SLC13A4: variants seen among roughly 807,000 people sequenced by gnomAD.
The protein encoded by SLC13A4 is Na(+)/sulfate cotransporter SUT-1.
SLC13A4 carries 28 observed loss-of-function variants against 72.7 expected under a neutral mutation model. The ratio of observed to expected loss-of-function variants is 0.39; its 90% CI spans 0.29 to 0.53. The LOEUF is 0.53. Among genes scored for constraint, SLC13A4 ranks in the 20% least tolerant of loss-of-function variants. The pLI, the probability that SLC13A4 is intolerant of heterozygous loss-of-function variation, is 0.78. For synonymous variants in SLC13A4, 312 were observed against 325.5 expected (o/e 0.96, Z 0.45); for missense variants, 653 against 788.0 (o/e 0.83, Z 2.05).
At chr7:135,691,386 G>A (rs1795782952) in intron 12 of SLC13A4, 61 bp from the exon 13 acceptor site, 1 of 1,431,896 alleles carries the variant, frequency 7.0e-7, no homozygotes, top group Non-Finnish European at 9.4e-7. Flanking sequence ...GTGGAGACAG[G>A]AGCCTAATTG....
chr7:135,727,522 C>A lies in SLC13A4; in HGVS notation c.-26G>T. 1 of 1,541,380 alleles carries A rather than the reference C, an allele frequency of 6.5e-7. No individual in the cohort carries two copies. The highest frequency in any genetic ancestry group is 1.2e-5 in the South Asian group (1 of 83,414). ...CGCGCCTCTGTCCTCTCCAGCTCGT[C>A]CTTGGACCCCGCTCTGCCGGCGAAA... On this transcript the variant is annotated 5_prime_UTR_variant, in exon 1 of 16. Coordinates refer to ENST00000682651, the MANE Select transcript of SLC13A4 (RefSeq NM_001318192.2).
At chr7:135,683,484 C>CAT (rs112295777) in intron 15 of SLC13A4, 67 of 978,366 alleles carry the variant, frequency 6.8e-5, no homozygotes, top group Middle Eastern at 5.3e-4. Context: ...TCCTCTCCCC[C>CAT]CCCGCTCAGC....
chr7:135,720,518 A>G (rs930416876), intron 2 of SLC13A4, among the ~76,000 whole-genome samples: 1 of 150,386 alleles, frequency 6.6e-6, no homozygotes, highest in Non-Finnish European at 1.5e-5. Context: ...TCTGCCCATA[A>G]CCTTACCCCC....
intron 2 of SLC13A4, among the ~76,000 whole-genome samples, chr7:135,720,484 T>C (rs1186808805): frequency 6.6e-6 from 1 of 151,068 alleles, no homozygotes; most frequent in African/African-American, 2.4e-5. Context: ...AAATATGAGC[T>C]TCCTTTCCTC....
intron 8 of SLC13A4, among the ~76,000 whole-genome samples, chr7:135,698,037 T>C (rs1466120913): frequency 6.6e-6 from 1 of 152,162 alleles, no homozygotes; most frequent in Non-Finnish European, 1.5e-5. Context: ...TTTTTATTTA[T>C]CTATTTATTT....
chr7:135,715,214 AGT>A (rs563943465), intron 2 of SLC13A4, among the ~76,000 whole-genome samples: 65 of 146,454 alleles, frequency 4.4e-4, no homozygotes, highest in Non-Finnish European at 6.0e-4. Context: ...TGTGTGCATG[AGT>A]GTGTATATGT....
chr7:135,698,276 G>A (rs1469976074), intron 8 of SLC13A4, among the ~76,000 whole-genome samples: 2 of 149,140 alleles, frequency 1.3e-5, no homozygotes, highest in Non-Finnish European at 3.0e-5. Context: ...CAAGTGATCC[G>A]CCTGCCTTGG....
intron 14 of SLC13A4, 58 bp downstream of exon 14, chr7:135,685,464 G>A (rs1271807880): frequency 2.6e-6 from 4 of 1,538,412 alleles, no homozygotes; most frequent in Non-Finnish European, 3.6e-6. Context: ...AGCCAGGCCT[G>A]CCACTCCAGG....
At chr7:135,718,088 C>CACACACACACACACACACACATGT (rs754511549) in intron 2 of SLC13A4, among the ~76,000 whole-genome samples, 1 of 149,560 alleles carries the variant, frequency 6.7e-6, no homozygotes, top group Admixed American at 6.6e-5. Flanking sequence ...CACACACACA[C>CACACACACACACACACACACATGT]GCGCGCGCGC....
chr7:135,692,418 T>C lies in SLC13A4; in HGVS notation c.1128A>G (p.Pro376=), dbSNP rs200615908. ...EYEKLGDISY[P]EMVTGFFFIL... ...TGAAGAAAAATCCAGTCACCATTTC[T>C]GGGTAGCTATAAAATAAAACAGAAA... Residue 376 remains proline (P), a synonymous_variant, in exon 11 of 16, where the codon CCA becomes CCG. Coordinates refer to ENST00000682651, the MANE Select transcript of SLC13A4 (RefSeq NM_001318192.2). 4.6e-5 allele frequency: 74 copies of C among 1,609,454 alleles called. No homozygotes were observed. The highest frequency in any genetic ancestry group is 6.1e-5 in the Non-Finnish European group (72 of 1,178,042).
At chr7:135,698,392 T>G (rs1352744160) in intron 8 of SLC13A4, among the ~76,000 whole-genome samples, 3 of 142,256 alleles carry the variant, frequency 2.1e-5, no homozygotes, top group African/African-American at 7.9e-5. Context: ...TGGAGTGCAG[T>G]GTCACGATCT....
intron 2 of SLC13A4, among the ~76,000 whole-genome samples, chr7:135,717,537 T>C (rs1276420743): frequency 7.9e-5 from 12 of 152,230 alleles, no homozygotes. Flanking sequence ...ACTTTCTCTC[T>C]ACTAAAATAG....
intron 2 of SLC13A4, among the ~76,000 whole-genome samples, chr7:135,721,126 G>A (rs1796539347): frequency 6.6e-6 from 1 of 152,208 alleles, no homozygotes; most frequent in Non-Finnish European, 1.5e-5. Context: ...GCTTCAGACC[G>A]AGGGAGCAAC....
chr7:135,681,797 C>T, intron 15 of SLC13A4, 97 bp from the exon 16 acceptor site: 6 of 1,518,454 alleles, frequency 4.0e-6, no homozygotes, highest in Non-Finnish European at 5.3e-6. Context: ...GCCTTGTGGC[C>T]CAGATTAGTT....
chr7:135,685,437 C>G, intron 14 of SLC13A4, 85 bp downstream of exon 14: 1 of 1,205,790 alleles, frequency 8.3e-7, no homozygotes, highest in Non-Finnish European at 1.2e-6. Flanking sequence ...GAGCCTACAG[C>G]TACGGAAGCT....
Position 135,706,158 on chromosome 7 carries a change from T to C in SLC13A4, c.508A>G (p.Asn170Asp). 1 of 1,606,388 alleles carries C rather than the reference T, an allele frequency of 6.2e-7. No individual in the cohort carries two copies. The highest frequency in any genetic ancestry group is 1.1e-5 in the South Asian group (1 of 90,690). ...GGTTCGGCCTCTTCGGTGTTGGAGT[T>C]GCCCGCCACGAGCTGCTCGTCCTCA... ...SAEDEQLVAG[N>D]SNTEEAEPIS... The change falls in exon 4 of 16, where the codon AAC becomes GAC. Residue 170 changes from asparagine to aspartate, a missense_variant. By Grantham distance (23) the Asn-to-Asp change is conservative. Coordinates refer to ENST00000682651, the MANE Select transcript of SLC13A4 (RefSeq NM_001318192.2).
At chr7:135,686,434 A>G (rs62479531) in intron 13 of SLC13A4, among the ~76,000 whole-genome samples, 5,343 of 152,244 alleles carry the variant, frequency 0.035, 110 homozygotes, top group Middle Eastern at 0.088. Context: ...TGAGTGCAGC[A>G]GCATGATCAC....
At chr7:135,700,400 A>G (rs1280802860) in intron 7 of SLC13A4, among the ~76,000 whole-genome samples, 1 of 152,072 alleles carries the variant, frequency 6.6e-6, no homozygotes, top group African/African-American at 2.4e-5. Flanking sequence ...TCCTGGTGCA[A>G]TTGTCAGCAA....
At chr7:135,725,984 G>A (rs2129495644) in intron 1 of SLC13A4, among the ~76,000 whole-genome samples, 1 of 152,162 alleles carries the variant, frequency 6.6e-6, no homozygotes, top group East Asian at 1.9e-4. Context: ...AAAAAAGTTT[G>A]ATGAAAGGGG....
Sources: gnomAD v4.1 joint callset for allele counts (sites outside exome capture counted in the v4.1 genomes callset) on GRCh38, gnomAD v4.1.1 for gene constraint, MANE v1.5 for transcripts, NCBI Gene and HGNC (gene_info 2026-07-23, HGNC 2026-07-21) for gene names.